AIG1: variants seen among roughly 807,000 people sequenced by gnomAD.
AIG1 encodes the protein androgen-induced gene 1 protein.
In AIG1, 23 loss-of-function variants were observed where a neutral mutation model predicts 31.4. The ratio of observed to expected loss-of-function variants is 0.73; its 90% confidence interval spans 0.53 to 1.04. AIG1 has a LOEUF of 1.04. Among genes scored for constraint, AIG1 ranks in the 50% least tolerant of loss-of-function variants. The pLI is 0.00. For missense variants in AIG1, 274 were observed against 295.0 expected, an observed-to-expected ratio of 0.93 and a Z score of 0.52; for synonymous variants, 100 against 110.5, an observed-to-expected ratio of 0.90 and a Z score of 0.60.
chr6:143,180,931 A>C (rs747468175), intron 3 of AIG1, among the ~76,000 whole-genome samples: 2 of 152,192 alleles, frequency 1.3e-5, no homozygotes, highest in South Asian at 4.1e-4. Context: ...GATTTTGTGC[A>C]TCTGTCTTTC....
intron 2 of AIG1, among the ~76,000 whole-genome samples, chr6:143,144,989 C>T (rs1439780894): frequency 6.6e-6 from 1 of 152,122 alleles, no homozygotes; most frequent in East Asian, 1.9e-4. Context: ...AGCTTGTTGA[C>T]AGGCAGTTTC....
chr6:143,308,534 A>G (rs1471676540), intron 4 of AIG1, among the ~76,000 whole-genome samples: 2 of 152,194 alleles, frequency 1.3e-5, no homozygotes. Flanking sequence ...TTGATTGTGA[A>G]TTGATTATTT....
In AIG1 at chr6:143,333,400, C is replaced by A. The variant is rs1354126736; in HGVS notation, c.634C>A (p.Leu212Met). The change falls in exon 5 of 6, where the codon CTG becomes ATG. Residue 212 changes from leucine to methionine, a missense_variant. Coordinates refer to ENST00000357847, the MANE Select transcript of AIG1 (RefSeq NM_016108.4). The surrounding 1 kb of genome is among the most constrained non-coding windows in gnomAD (Gnocchi z 4.6). Reference protein sequence around the residue: ...STTILMNFLYLLGEVLNNYIW... With the variant: ...STTILMNFLYMLGEVLNNYIW... ...AACCATCTTAATGAACTTCCTGTACCTGCTGGGAGAAGTTCTGAACAACTA... is the reference window on the plus strand; with the variant it reads ...AACCATCTTAATGAACTTCCTGTACATGCTGGGAGAAGTTCTGAACAACTA... The A allele has an allele frequency of 1.2e-6, 2 of 1,613,568 alleles. No individual in the cohort carries two copies. Among genetic ancestry groups the A allele is most frequent in the African/African-American group, 2.7e-5 (2 of 74,868 alleles).
chr6:143,332,529 C>T (rs2128723237), intron 4 of AIG1, among the ~76,000 whole-genome samples: 1 of 152,290 alleles, frequency 6.6e-6, no homozygotes, highest in Middle Eastern at 3.4e-3. Context: ...ATCAATGTCA[C>T]ATCTGAAGAT....
In AIG1 at chr6:143,209,020, T is replaced by C. The variant is rs139459741; in HGVS notation, c.399+43837T>C. Among the ~76,000 whole-genome samples, 432 of 152,132 alleles carry C rather than the reference T, an allele frequency of 2.8e-3. 1 individual carries two copies. Among genetic ancestry groups the C allele is most frequent in the Non-Finnish European group, 4.7e-3 (319 of 68,010 alleles). Reference sequence around the variant, plus strand: ...AGGAGAAAGGCTGAGGGGTTTTGCCTCTGGAGCCTGATGTATTACTAGCAG... The same window carrying C: ...AGGAGAAAGGCTGAGGGGTTTTGCCCCTGGAGCCTGATGTATTACTAGCAG... On this transcript the variant is annotated intron_variant, in intron 3 of 5. Coordinates refer to ENST00000357847, the MANE Select transcript of AIG1 (RefSeq NM_016108.4).
At position 143,333,500 on chromosome 6, in the gene AIG1, A is replaced by T. The variant is rs894327783; in HGVS notation, c.679+55A>T. The T allele has an allele frequency of 4.3e-5, 66 of 1,549,746 alleles. No individual in the cohort carries two copies. Among genetic ancestry groups the T allele is most frequent in the Admixed American group, 1.0e-4 (5 of 49,910 alleles). On this transcript the variant is annotated intron_variant, in intron 5 of 5. Coordinates refer to ENST00000357847, the MANE Select transcript of AIG1 (RefSeq NM_016108.4). The surrounding 1 kb of genome is among the most constrained non-coding windows in gnomAD (Gnocchi z 4.6). ...AGAGAATTACTGCCGGCAACAGTCTATGCAGAGACTGAGGGAAAATTCCAC... is the reference window on the plus strand; with the variant it reads ...AGAGAATTACTGCCGGCAACAGTCTTTGCAGAGACTGAGGGAAAATTCCAC...
At chr6:143,066,189 A>G (rs1776684935) in intron 1 of AIG1, among the ~76,000 whole-genome samples, 1 of 152,216 alleles carries the variant, frequency 6.6e-6, no homozygotes, top group South Asian at 2.1e-4. Context: ...AGGTTGATAA[A>G]TGCTGCTCTA....
Position 143,124,626 on chromosome 6 carries a change from T to C in AIG1, c.142-12209T>C, listed in dbSNP as rs560478384. 5.9e-5 allele frequency among the ~76,000 whole-genome samples: 9 copies of C among 152,284 alleles called. 1 individual carries two copies. The South Asian group carries it at 1.7e-3, about 28-fold the overall frequency. ...CTGTTCTCACACTGCTATGAAGAAATACCCGAGGGTAATTTACAAAGGATA... is the reference window on the plus strand; with the variant it reads ...CTGTTCTCACACTGCTATGAAGAAACACCCGAGGGTAATTTACAAAGGATA... On this transcript the variant is annotated intron_variant, in intron 1 of 5. Coordinates refer to ENST00000357847, the MANE Select transcript of AIG1 (RefSeq NM_016108.4).
At chr6:143,206,113 C>T (rs190173414) in intron 3 of AIG1, among the ~76,000 whole-genome samples, 1 of 152,304 alleles carries the variant, frequency 6.6e-6, no homozygotes, top group East Asian at 1.9e-4. Context: ...GACACACTGT[C>T]AGATCCAAAA....
At chr6:143,096,133 C>T (rs1269135206) in intron 1 of AIG1, among the ~76,000 whole-genome samples, 1 of 151,908 alleles carries the variant, frequency 6.6e-6, no homozygotes, top group East Asian at 1.9e-4. Context: ...GTCTCGATCT[C>T]CTGACCTTGG....
chr6:143,183,662 A>C (rs1305186117), intron 3 of AIG1, among the ~76,000 whole-genome samples: 4 of 152,212 alleles, frequency 2.6e-5, no homozygotes, highest in African/African-American at 9.6e-5. Flanking sequence ...TTAGTTCATC[A>C]AAAAGTCTAT....
chr6:143,196,395 ACC>A (rs34180238), intron 3 of AIG1, among the ~76,000 whole-genome samples: 6 of 136,862 alleles, frequency 4.4e-5, no homozygotes, highest in African/African-American at 1.6e-4. Flanking sequence ...ACACACACAC[ACC>A]CCAATTTGAT....
At chr6:143,092,651 G>A (rs1562367001) in intron 1 of AIG1, among the ~76,000 whole-genome samples, 1 of 152,104 alleles carries the variant, frequency 6.6e-6, no homozygotes, top group Non-Finnish European at 1.5e-5. Context: ...AAACCATGCT[G>A]TAAACAGAAC....
At chr6:143,118,620 A>G (rs1339081205) in intron 1 of AIG1, among the ~76,000 whole-genome samples, 1 of 152,208 alleles carries the variant, frequency 6.6e-6, no homozygotes, top group Non-Finnish European at 1.5e-5. Context: ...TGCTTTAGCA[A>G]TCACTTATGT....
At chr6:143,208,439 TA>T (rs1423422855) in intron 3 of AIG1, among the ~76,000 whole-genome samples, 1 of 151,860 alleles carries the variant, frequency 6.6e-6, no homozygotes, top group East Asian at 1.9e-4. Context: ...TACATACAAA[TA>T]AAAGAAGGAA....
At chr6:143,305,475 G>A (rs1233736607) in intron 4 of AIG1, among the ~76,000 whole-genome samples, 4 of 152,030 alleles carry the variant, frequency 2.6e-5, no homozygotes, top group Non-Finnish European at 4.4e-5. Context: ...CCTTCATTTT[G>A]TTATGTACCC....
At chr6:143,247,927 C>G (rs1325404464) in intron 3 of AIG1, among the ~76,000 whole-genome samples, 1 of 152,104 alleles carries the variant, frequency 6.6e-6, no homozygotes, top group Non-Finnish European at 1.5e-5. Context: ...CTGGTTTTTC[C>G]TTACAAAAAC....
chr6:143,343,381 TAA>T, downstream of AIG1: 1 of 568,440 alleles, frequency 1.8e-6, no homozygotes. Context: ...TGGCTCTAAG[TAA>T]AACTGGGATT....
rs1028571769 is a variant in AIG1 at position 143,340,991 on chromosome 6, T to C, written c.*1315T>C. Among the ~76,000 whole-genome samples the C allele has an allele frequency of 1.3e-5, 2 of 152,186 alleles. No individual in the cohort carries two copies. Among genetic ancestry groups the C allele is most frequent in the African/African-American group, 4.8e-5 (2 of 41,458 alleles). ...TTAAACTTTTTAATTTGAAAAAAAT[T>C]TAAACTCAAAAAGTTAATTTAAAAT... On this transcript the variant is annotated 3_prime_UTR_variant, in exon 6 of 6. Coordinates refer to ENST00000357847, the MANE Select transcript of AIG1 (RefSeq NM_016108.4).
Sources: gnomAD v4.1 joint callset for allele counts (sites outside exome capture counted in the v4.1 genomes callset) on GRCh38, gnomAD v4.1.1 for gene constraint, Gnocchi (gnomAD v3.1) non-coding constraint, MANE v1.5 for transcripts, NCBI Gene and HGNC (gene_info 2026-07-23, HGNC 2026-07-21) for gene names.